The following ATP2C2 variants were observed in gnomAD, a reference collection of about 807,000 sequenced individuals.
The protein encoded by ATP2C2 is ATPase secretory pathway Ca2+ transporting 2.
In ATP2C2, 171 loss-of-function variants were observed where a neutral mutation model predicts 110.8. The ratio of observed to expected loss-of-function variants is 1.54; its 90% CI spans 1.36 to 1.75. The LOEUF (loss-of-function observed/expected upper bound fraction) is 1.75, where lower values mean the gene tolerates loss of function less well. Among genes scored for constraint, ATP2C2 ranks in the 40% most tolerant of loss-of-function variants. The pLI is 0.00. For missense variants in ATP2C2, 1,963 were observed against 1,235.0 expected (o/e 1.59, Z -8.84); for synonymous variants, 804 against 508.4 (o/e 1.58, Z -7.82).
intron 7 of ATP2C2, among the ~76,000 whole-genome samples, chr16:84,417,709 T>G (rs940893155): frequency 6.6e-6 from 1 of 152,164 alleles, no homozygotes; most frequent in Non-Finnish European, 1.5e-5. Flanking sequence ...CTGGGCAACA[T>G]AGTGACACTC....
chr16:84,452,936 C>T (rs540184058), intron 18 of ATP2C2, among the ~76,000 whole-genome samples: 1 of 152,294 alleles, frequency 6.6e-6, no homozygotes, highest in Non-Finnish European at 1.5e-5. Context: ...TCTGTTTCCC[C>T]ATCTTTAAAG....
chr16:84,397,713 A>G lies in ATP2C2; in HGVS notation c.100-786A>G, dbSNP rs74250113. Among the ~76,000 whole-genome samples, 120 of 150,450 alleles carry G rather than the reference A, an allele frequency of 8.0e-4. 1 individual carries two copies. The East Asian group carries it at 0.017, about 22-fold the overall frequency. ...GATGCATCAGTATTAGCCAACAACTAACAACTGGAACCCAGATATTCATCA... is the reference window on the plus strand; with the variant it reads ...GATGCATCAGTATTAGCCAACAACTGACAACTGGAACCCAGATATTCATCA... On this transcript the variant is annotated intron_variant, in intron 1 of 26. Coordinates refer to ENST00000262429, the MANE Select transcript of ATP2C2 (RefSeq NM_014861.4).
intron 1 of ATP2C2, among the ~76,000 whole-genome samples, chr16:84,374,646 A>G (rs577154444): frequency 6.6e-6 from 1 of 152,196 alleles, no homozygotes; most frequent in East Asian, 1.9e-4. Context: ...GGTGGCCATC[A>G]TATTAGGGGT....
At chr16:84,394,131 C>G (rs1390571787) in intron 1 of ATP2C2, among the ~76,000 whole-genome samples, 2 of 151,988 alleles carry the variant, frequency 1.3e-5, no homozygotes, top group African/African-American at 4.8e-5. Flanking sequence ...TTGCAGTGCA[C>G]CAAGATCACA....
At chr16:84,444,239 G>A (rs188482240) in intron 15 of ATP2C2, among the ~76,000 whole-genome samples, 86 of 149,810 alleles carry the variant, frequency 5.7e-4, no homozygotes, top group Admixed American at 4.0e-4. Flanking sequence ...TTGGGAGACC[G>A]AGGCAGGTGG....
In ATP2C2 at chr16:84,409,068, T is replaced by C. The variant is rs542559747; in HGVS notation, c.417+574T>C. On this transcript the variant is annotated intron_variant, in intron 4 of 26. Transcript: ENST00000262429. ...CCAGCCCTTGGCAACCACCAATCTT[T>C]TTCTATCTCTGTGGGTTGAATGACC... 3.9e-5 allele frequency among the ~76,000 whole-genome samples: 6 copies of C among 152,276 alleles called. No homozygotes were observed. In the South Asian group the frequency reaches 1.2e-3, roughly 32 times the overall value.
In ATP2C2 at chr16:84,454,874, A is replaced by G; in HGVS notation, c.2037A>G (p.Ala679=). 1 of 1,613,846 alleles carries G rather than the reference A, an allele frequency of 6.2e-7. No individual in the cohort carries two copies. The highest frequency in any genetic ancestry group is 8.5e-7 in the Non-Finnish European group (1 of 1,179,882). The part of the protein sequence containing the change: ...VAMTGDGVND[A]VALKSADIGI... ...TGACTGGGGATGGGGTGAACGACGC[A>G]GTGGCCCTGAAGTCTGCAGACATTG... The change falls in exon 21 of 27, where the codon GCA becomes GCG. Residue 679 remains alanine, a synonymous_variant. Transcript: ENST00000262429.
At position 84,386,636 on chromosome 16, in the gene ATP2C2, G is replaced by A. The variant is rs576727831; in HGVS notation, c.100-11863G>A. Among the ~76,000 whole-genome samples the A allele has an allele frequency of 4.6e-5, 7 of 152,238 alleles. No homozygotes were observed. The East Asian group carries it at 1.2e-3, about 25-fold the overall frequency. On this transcript the variant is annotated intron_variant, in intron 1 of 26. Coordinates refer to ENST00000262429, the MANE Select transcript of ATP2C2 (RefSeq NM_014861.4). ...TCCCACTGCGTATGCACACACAGAC[G>A]CACACAGGTACTACCTAGAAAGGAC...
rs55791138 is a variant in ATP2C2, at chr16:84,381,004, T to C, written c.99+12290T>C. 4.0e-3 allele frequency among the ~76,000 whole-genome samples: 612 copies of C among 152,244 alleles called. 6 individuals carry two copies. Among genetic ancestry groups the C allele is most frequent in the African/African-American group, 0.014 (583 of 41,542 alleles). On this transcript the variant is annotated intron_variant, in intron 1 of 26. Transcript: ENST00000262429. ...GATCAGCCCGGCCAACGTAGTGAAT[T>C]TCATGCGCGTCCGTGTGAAGAGACC...
chr16:84,459,646 G>C (rs1399265820), intron 23 of ATP2C2: 6 of 1,443,106 alleles, frequency 4.2e-6, no homozygotes, highest in African/African-American at 2.8e-5. Context: ...TGGGCAACCT[G>C]CATGGCTCAT....
At chr16:84,403,372 C>G (rs987761491) in intron 2 of ATP2C2, among the ~76,000 whole-genome samples, 2 of 152,178 alleles carry the variant, frequency 1.3e-5, no homozygotes, top group Admixed American at 6.5e-5. Flanking sequence ...GTGCTGCAAT[C>G]AAGGGCCAGT....
chr16:84,428,329 A>C (rs1377933257), intron 11 of ATP2C2, among the ~76,000 whole-genome samples: 2 of 152,246 alleles, frequency 1.3e-5, no homozygotes, highest in African/African-American at 2.4e-5. Context: ...AAGAGATTCC[A>C]AATGCCTTAT....
At chr16:84,411,649 C>G (rs368957645) in intron 6 of ATP2C2, among the ~76,000 whole-genome samples, 229 of 152,306 alleles carry the variant, frequency 1.5e-3, no homozygotes, top group Middle Eastern at 3.4e-3. Flanking sequence ...GCCACGTTGG[C>G]TAGGCTCGTC....
intron 6 of ATP2C2, among the ~76,000 whole-genome samples, chr16:84,413,801 C>T (rs906275020): frequency 2.0e-5 from 3 of 152,166 alleles, no homozygotes; most frequent in Admixed American, 6.5e-5. Flanking sequence ...GACCCCCTCC[C>T]TGTGTTACTC....
chr16:84,384,300 C>G (rs1904293943), intron 1 of ATP2C2, among the ~76,000 whole-genome samples: 1 of 152,188 alleles, frequency 6.6e-6, no homozygotes, highest in African/African-American at 2.4e-5. Context: ...GTATTCTCGA[C>G]CTTTTTAGAG....
chr16:84,419,499 C>T (rs536272018), intron 7 of ATP2C2, among the ~76,000 whole-genome samples: 2 of 152,330 alleles, frequency 1.3e-5, no homozygotes, highest in South Asian at 2.1e-4. Context: ...CAGTTAGTCA[C>T]GTCTGCATAG....
At chr16:84,441,071 C>T (rs945300567) in intron 14 of ATP2C2, 113 bp downstream of exon 14, 1 of 920,838 alleles carries the variant, frequency 1.1e-6, no homozygotes, top group Non-Finnish European at 1.7e-6. Context: ...AATGACTGGC[C>T]CATCCAGGGG....
chr16:84,383,391 T>C (rs1247171104), intron 1 of ATP2C2, among the ~76,000 whole-genome samples: 2 of 152,126 alleles, frequency 1.3e-5, no homozygotes, highest in Non-Finnish European at 2.9e-5. Context: ...AACTTGAACT[T>C]TTGGTGAGAT....
At chr16:84,386,497 C>G (rs923643547) in intron 1 of ATP2C2, among the ~76,000 whole-genome samples, 5 of 152,214 alleles carry the variant, frequency 3.3e-5, no homozygotes, top group African/African-American at 1.2e-4. Context: ...CTGGCCACCA[C>G]TCTGCCTAGC....
Sources: gnomAD v4.1 joint callset for allele counts (sites outside exome capture counted in the v4.1 genomes callset) on GRCh38, gnomAD v4.1.1 for gene constraint, MANE v1.5 for transcripts, NCBI Gene and HGNC (gene_info 2026-07-23, HGNC 2026-07-21) for gene names.